The following RAB35 variants were observed in gnomAD, a reference collection of about 807,000 sequenced individuals.
RAB35 encodes the protein ras-related protein Rab-35.
RAB35 carries 4 observed loss-of-function variants against 28.9 expected under a neutral mutation model. The observed-to-expected ratio is 0.14, with a 90% CI of 0.07 to 0.32. The LOEUF (loss-of-function observed/expected upper bound fraction) is 0.32. Ranked by LOEUF, RAB35 falls within the 10% of genes least tolerant of loss-of-function variation. The probability of loss-of-function intolerance (pLI) is 1.00; values close to 1 mark genes in which losing one functional copy is unlikely to be tolerated. For missense variants in RAB35, 128 were observed against 274.0 expected, an observed-to-expected ratio of 0.47 and a Z score of 3.76; for synonymous variants, 99 against 105.1, an observed-to-expected ratio of 0.94 and a Z score of 0.35.
intron 1 of RAB35, chr12:120,108,755 G>A: frequency 1.7e-6 from 1 of 581,064 alleles, no homozygotes; most frequent in East Asian, 3.6e-5. Flanking sequence ...GCTGAGGGCT[G>A]GCCCAAAGGG....
intron 3 of RAB35, among the ~76,000 whole-genome samples, chr12:120,100,381 C>T (rs1210030974): frequency 6.6e-6 from 1 of 152,248 alleles, no homozygotes; most frequent in Non-Finnish European, 1.5e-5. Flanking sequence ...AGTTATAGCA[C>T]ACAGGTGGCT....
At chr12:120,110,494 A>G (rs1876074998) in intron 1 of RAB35, among the ~76,000 whole-genome samples, 1 of 151,894 alleles carries the variant, frequency 6.6e-6, no homozygotes, top group Admixed American at 6.6e-5. Context: ...GCCTCAAGCA[A>G]TCTGCCCGCT....
At chr12:120,113,687 G>A (rs1428344246) in intron 1 of RAB35, among the ~76,000 whole-genome samples, 1 of 152,042 alleles carries the variant, frequency 6.6e-6, no homozygotes, top group South Asian at 2.1e-4. Context: ...GCATGGTGGT[G>A]GGCACCTGTA....
rs1264562738 is a variant in RAB35, at chr12:120,103,993, C to T, written c.104-44G>A. 2 of 1,606,888 alleles carry T rather than the reference C, an allele frequency of 1.2e-6. No homozygotes were observed. The highest frequency in any genetic ancestry group is 1.7e-6 in the Non-Finnish European group (2 of 1,176,598). On this transcript the variant is annotated intron_variant, in intron 2 of 5. Coordinates refer to ENST00000229340, the MANE Select transcript of RAB35 (RefSeq NM_006861.7). This position sits in a 1 kb window ranked among gnomAD's most constrained non-coding sequence, Gnocchi z 6.1. ...TAACGAGGCCCAGCGCGGTATCTTC[C>T]CAGGCCCTGAGCCCCACGCTGCACA...
rs562546053 is a variant in RAB35, at chr12:120,095,668, C to G, written c.*1577G>C. On this transcript the variant is annotated 3_prime_UTR_variant, in exon 6 of 6. Transcript: ENST00000229340. Reference sequence around the variant, plus strand: ...CCAGGCCCATGGGGCTCCCCCACCCCATCCCGTGGCTCCAAAGTGAAGGCC... The same window carrying G: ...CCAGGCCCATGGGGCTCCCCCACCCGATCCCGTGGCTCCAAAGTGAAGGCC... 2 of 152,386 alleles carry G rather than the reference C, an allele frequency of 1.3e-5. No homozygotes were observed. Among genetic ancestry groups the G allele is most frequent in the East Asian group, 3.9e-4 (2 of 5,130 alleles). The allele number at this position is 152,386 out of a possible 1,614,324, so 9.4% of individuals were successfully genotyped here.
chr12:120,096,480 T>C lies in RAB35; in HGVS notation c.*765A>G, dbSNP rs549607970. ...CTGCACGAACCTACCCCGACCTTTC[T>C]GTTGGAACTGAAACCTGTTGGTGTA... On this transcript the variant is annotated 3_prime_UTR_variant, in exon 6 of 6. Transcript: ENST00000229340. The C allele has an allele frequency of 3.9e-6, 5 of 1,289,806 alleles. No individual in the cohort carries two copies. Among genetic ancestry groups the C allele is most frequent in the East Asian group, 1.1e-4 (2 of 18,030 alleles). The allele number at this position is 1,289,806 out of a possible 1,614,324, so 79.9% of individuals were successfully genotyped here.
intron 2 of RAB35, 76 bp downstream of exon 2, chr12:120,108,341 C>G (rs7294975): frequency 0.1 from 149,673 of 1,440,548 alleles, 10,944 homozygotes; most frequent in African/African-American, 0.39. Flanking sequence ...AGAGGCAACT[C>G]TGTTTGGTGC....
rs78752767 is a variant in RAB35, at chr12:120,097,391, G to A, written c.478-18C>T. The A allele has an allele frequency of 3.1e-6, 5 of 1,600,266 alleles. No homozygotes were observed. The South Asian group carries it at 5.6e-5, about 18-fold the overall frequency. On this transcript the variant is annotated intron_variant, in intron 5 of 5. Coordinates refer to ENST00000229340, the MANE Select transcript of RAB35 (RefSeq NM_006861.7). Reference sequence around the variant, plus strand: ...TTGAACATCTGTGGAGAGGAAAGAGGAAGGGCCCGCCTCAGACCTGGCCAG... The same window carrying A: ...TTGAACATCTGTGGAGAGGAAAGAGAAAGGGCCCGCCTCAGACCTGGCCAG...
At chr12:120,104,078 G>A in intron 2 of RAB35, 129 bp from the exon 3 acceptor site, 1 of 1,278,470 alleles carries the variant, frequency 7.8e-7, no homozygotes, top group South Asian at 1.5e-5. Flanking sequence ...GTACATTCTA[G>A]GTCCCAGGGA....
In RAB35 at chr12:120,103,550, G is replaced by A. The variant is rs868082948; in HGVS notation, c.227+276C>T. Among the ~76,000 whole-genome samples the A allele has an allele frequency of 1.3e-5, 2 of 152,334 alleles. No homozygotes were observed. The highest frequency in any genetic ancestry group is 2.9e-5 in the Non-Finnish European group (2 of 68,034). On this transcript the variant is annotated intron_variant, in intron 3 of 5. Transcript: ENST00000229340. This position sits in a 1 kb window ranked among gnomAD's most constrained non-coding sequence, Gnocchi z 6.1. Reference sequence around the variant, plus strand: ...CTGTAAGGTGACGGCACAGTGGGCCGGAGGGTCGGCTGACTCTCCAAGGAG... The same window carrying A: ...CTGTAAGGTGACGGCACAGTGGGCCAGAGGGTCGGCTGACTCTCCAAGGAG...
rs1002199733 is a variant in RAB35, at chr12:120,103,792, C to T, written c.227+34G>A. 25 of 1,610,790 alleles carry T rather than the reference C, an allele frequency of 1.6e-5. No homozygotes were observed. Among genetic ancestry groups the T allele is most frequent in the Middle Eastern group, 3.3e-4 (2 of 6,016 alleles). On this transcript the variant is annotated intron_variant, in intron 3 of 5. Coordinates refer to ENST00000229340, the MANE Select transcript of RAB35 (RefSeq NM_006861.7). This position sits in a 1 kb window ranked among gnomAD's most constrained non-coding sequence, Gnocchi z 6.1. ...CTCAACTGTGTCCACAGGTCAGTGG[C>T]GCGGGTTGGGTGGGAGTGGGCGTGT...
intron 3 of RAB35, among the ~76,000 whole-genome samples, chr12:120,102,061 G>A (rs1363571631): frequency 6.6e-6 from 1 of 152,154 alleles, no homozygotes; most frequent in South Asian, 2.1e-4. Context: ...GGCACAGGAC[G>A]GGGCAGGAAG....
intron 1 of RAB35, among the ~76,000 whole-genome samples, chr12:120,112,230 G>A (rs767743069): frequency 6.6e-5 from 10 of 152,088 alleles, no homozygotes; most frequent in Admixed American, 3.3e-4. Flanking sequence ...CGCCTGCCTC[G>A]GCCTCCCAAA....
chr12:120,112,313 G>A (rs1437482322), intron 1 of RAB35, among the ~76,000 whole-genome samples: 21 of 151,892 alleles, frequency 1.4e-4, no homozygotes, highest in Non-Finnish European at 1.5e-5. Context: ...TCCTCACCAC[G>A]CAAGCCACAC....
At chr12:120,110,663 A>C (rs1015258584) in intron 1 of RAB35, among the ~76,000 whole-genome samples, 1 of 152,132 alleles carries the variant, frequency 6.6e-6, no homozygotes, top group Non-Finnish European at 1.5e-5. Flanking sequence ...GCCTAACCCC[A>C]GCATCCTCTC....
At chr12:120,113,769 G>A (rs992695094) in intron 1 of RAB35, among the ~76,000 whole-genome samples, 3 of 150,406 alleles carry the variant, frequency 2.0e-5, no homozygotes, top group Non-Finnish European at 4.4e-5. Context: ...AGTGAGCCGA[G>A]ATCGCGCCAC....
At position 120,112,312 on chromosome 12, in the gene RAB35, C is replaced by T. The variant is rs897437458; in HGVS notation, c.53-3845G>A. ...TGGCTGCTGTATCTGGTCCTCACCACGCAAGCCACACACATGTCTTCCCTT... is the reference window on the plus strand; with the variant it reads ...TGGCTGCTGTATCTGGTCCTCACCATGCAAGCCACACACATGTCTTCCCTT... On this transcript the variant is annotated intron_variant, in intron 1 of 5. Coordinates refer to ENST00000229340, the MANE Select transcript of RAB35 (RefSeq NM_006861.7). Among the ~76,000 whole-genome samples, 10 of 152,122 alleles carry T rather than the reference C, an allele frequency of 6.6e-5. No homozygotes were observed. In the East Asian group the frequency reaches 1.6e-3, roughly 24 times the overall value.
chr12:120,099,133 C>T lies in RAB35; in HGVS notation c.249G>A (p.Gly83=), dbSNP rs1465975846. 2.5e-6 allele frequency: 4 copies of T among 1,614,264 alleles called. No individual in the cohort carries two copies. The highest frequency in any genetic ancestry group is 1.6e-4 in the Middle Eastern group (1 of 6,062). Residue 83 remains glycine (G), a synonymous_variant, in exon 4 of 6, where the codon GGG becomes GGA. Transcript: ENST00000229340. Reference sequence around the variant, plus strand: ...TGGTGACGTCGTAAACCACAATGACCCCGTGGGTCCCCCGATAATACCTGC... The same window carrying T: ...TGGTGACGTCGTAAACCACAATGACTCCGTGGGTCCCCCGATAATACCTGC... ...ITSTYYRGTH[G]VIVVYDVTSA...
intron 1 of RAB35, among the ~76,000 whole-genome samples, chr12:120,113,896 G>A (rs1341121598): frequency 6.6e-6 from 1 of 152,170 alleles, no homozygotes; most frequent in African/African-American, 2.4e-5. Context: ...GGAATCCATT[G>A]CAGAAGCATC....
Sources: allele counts gnomAD v4.1 joint callset (sites outside exome capture counted in the v4.1 genomes callset), GRCh38; gene constraint gnomAD v4.1.1; non-coding constraint Gnocchi (gnomAD v3.1); transcripts MANE v1.5; gene names NCBI Gene and HGNC (gene_info 2026-07-23, HGNC 2026-07-21).